TNFAIP8: variants seen among roughly 807,000 people sequenced by gnomAD.
TNFAIP8 encodes TNF alpha induced protein 8.
In TNFAIP8, 7 loss-of-function variants were observed where a neutral mutation model predicts 13.3. The observed-to-expected ratio is 0.52, with a 90% CI of 0.30 to 0.99. The LOEUF is 0.99. TNFAIP8 is among the 50% of genes least tolerant of loss of function. The pLI, the probability that TNFAIP8 is intolerant of heterozygous loss-of-function variation, is 0.07. For synonymous variants in TNFAIP8, 94 were observed against 87.6 expected (o/e 1.07, Z -0.41); for missense variants, 258 against 236.9 (o/e 1.09, Z -0.58).
intron 1 of TNFAIP8, among the ~76,000 whole-genome samples, chr5:119,370,962 A>T (rs1752048468): frequency 6.6e-6 from 1 of 152,212 alleles, no homozygotes; most frequent in Non-Finnish European, 1.5e-5. Flanking sequence ...TGTATCTAAG[A>T]TTGCTCTATT....
chr5:119,377,344 A>G (rs184903225), intron 1 of TNFAIP8, among the ~76,000 whole-genome samples: 9 of 152,184 alleles, frequency 5.9e-5, no homozygotes, highest in Admixed American at 2.6e-4. Flanking sequence ...TCAGAGTGAC[A>G]TTGCACTCCA....
upstream of TNFAIP8, among the ~76,000 whole-genome samples, chr5:119,353,526 G>A (rs1155268): frequency 0.76 from 115,268 of 152,148 alleles, 44,664 homozygotes; most frequent in African/African-American, 0.93. Context: ...CTAAAACAGA[G>A]CATTCTTCCC....
intron 1 of TNFAIP8, among the ~76,000 whole-genome samples, chr5:119,385,472 C>T (rs1285229370): frequency 1.3e-5 from 2 of 152,130 alleles, no homozygotes; most frequent in African/African-American, 2.4e-5. Context: ...CTAGGCTTCT[C>T]CTCTTGTCTT....
At chr5:119,384,200 C>T (rs1168583457) in intron 1 of TNFAIP8, among the ~76,000 whole-genome samples, 14 of 152,124 alleles carry the variant, frequency 9.2e-5, no homozygotes, top group Admixed American at 8.5e-4. Context: ...AGTAAGATAA[C>T]GTGGCCCGGC....
intron 1 of TNFAIP8, among the ~76,000 whole-genome samples, chr5:119,358,987 T>C (rs572783254): frequency 6.6e-6 from 1 of 152,256 alleles, no homozygotes; most frequent in African/African-American, 2.4e-5. Flanking sequence ...ACCCAGTTCT[T>C]ACTCTCATGC....
chr5:119,344,119 T>G (rs908768385), intron 1 of TNFAIP8, among the ~76,000 whole-genome samples: 3 of 152,190 alleles, frequency 2.0e-5, no homozygotes, highest in Non-Finnish European at 4.4e-5. Context: ...AAGAAGAACC[T>G]GAGTAATTTA....
chr5:119,351,132 C>G (rs1319513631), upstream of TNFAIP8, among the ~76,000 whole-genome samples: 1 of 151,904 alleles, frequency 6.6e-6, no homozygotes, highest in East Asian at 1.9e-4. Context: ...GAGTGATCCT[C>G]CTGCCTCAGT....
At chr5:119,327,470 G>GT (rs1562002296) in intron 1 of TNFAIP8, among the ~76,000 whole-genome samples, 1 of 152,086 alleles carries the variant, frequency 6.6e-6, no homozygotes, top group Non-Finnish European at 1.5e-5. Flanking sequence ...TTGTTTGTTT[G>GT]TTTTTTGAGA....
chr5:119,385,781 C>A (rs1288357662), intron 1 of TNFAIP8, among the ~76,000 whole-genome samples: 1 of 152,142 alleles, frequency 6.6e-6, no homozygotes, highest in Non-Finnish European at 1.5e-5. Context: ...TTAATTTTGG[C>A]CAAATGTGAT....
chr5:119,358,055 G>C (rs1283462362), intron 1 of TNFAIP8, among the ~76,000 whole-genome samples: 1 of 150,632 alleles, frequency 6.6e-6, no homozygotes, highest in Non-Finnish European at 1.5e-5. Flanking sequence ...AAATAACTCA[G>C]TTATCTTCTC....
intron 1 of TNFAIP8, among the ~76,000 whole-genome samples, chr5:119,368,059 T>G (rs1751930073): frequency 6.6e-6 from 1 of 152,218 alleles, no homozygotes. Flanking sequence ...GAAATAATGT[T>G]TCCCTGCCTG....
intron 1 of TNFAIP8, among the ~76,000 whole-genome samples, chr5:119,269,548 G>C (rs1197119004): frequency 6.6e-6 from 1 of 152,164 alleles, no homozygotes; most frequent in East Asian, 1.9e-4. Flanking sequence ...CGGACTCCTC[G>C]CGACTGATAG....
intron 1 of TNFAIP8, chr5:119,333,045 G>GTT (rs11455212): frequency 4.0e-4 from 87 of 219,368 alleles, no homozygotes; most frequent in Non-Finnish European, 5.1e-4. Context: ...GGAATGAGGT[G>GTT]TTTTTTTTAT....
intron 1 of TNFAIP8, among the ~76,000 whole-genome samples, chr5:119,297,217 T>A (rs1421214827): frequency 6.6e-6 from 1 of 152,202 alleles, no homozygotes; most frequent in Admixed American, 6.5e-5. Context: ...ATTTTGGATC[T>A]TTCCTGCTTT....
intron 1 of TNFAIP8, among the ~76,000 whole-genome samples, chr5:119,305,346 C>T (rs1749518218): frequency 6.6e-6 from 1 of 152,258 alleles, no homozygotes; most frequent in Middle Eastern, 3.4e-3. Flanking sequence ...ATATCTGTTT[C>T]AGTTTCTAAC....
intron 1 of TNFAIP8, among the ~76,000 whole-genome samples, chr5:119,281,021 C>G (rs1748610421): frequency 6.6e-6 from 1 of 151,822 alleles, no homozygotes; most frequent in Non-Finnish European, 1.5e-5. Flanking sequence ...CCAATGGGAG[C>G]CTCTTCAGTT....
chr5:119,338,165 GACACACACAC>G lies in TNFAIP8; in HGVS notation c.2-54614_2-54605del, dbSNP rs367789572. On this transcript the variant is annotated intron_variant, in intron 1 of 1. Transcript: ENST00000274456. The stretch of plus-strand genomic sequence containing the variant: ...ATTCCAGATTGGAATCTGGAACTTT[GACACACACAC>G]ACACACACACACACACACACACACA... Among the ~76,000 whole-genome samples the G allele has an allele frequency of 2.6e-3, 326 of 125,246 alleles. 2 individuals are homozygous for G. The highest frequency in any genetic ancestry group is 8.6e-3 in the African/African-American group (283 of 32,718). 82.2% of individuals were successfully genotyped at this position (125,246 alleles called of 152,430 possible). A position where few individuals can be genotyped will look rare whatever the true frequency, so the allele number is the denominator to read the frequency against.
At chr5:119,317,597 A>AATT (rs769259324) in intron 1 of TNFAIP8, among the ~76,000 whole-genome samples, 16 of 148,142 alleles carry the variant, frequency 1.1e-4, no homozygotes, top group Admixed American at 2.0e-4. Flanking sequence ...TAATAATAAT[A>AATT]ATTATTATTA....
chr5:119,380,868 A>G (rs1752458646), intron 1 of TNFAIP8, among the ~76,000 whole-genome samples: 1 of 152,190 alleles, frequency 6.6e-6, no homozygotes, highest in Non-Finnish European at 1.5e-5. Context: ...CTCTGTTTAG[A>G]AAACATTTTA....
Sources: gnomAD v4.1 joint callset for allele counts (sites outside exome capture counted in the v4.1 genomes callset) on GRCh38, gnomAD v4.1.1 for gene constraint, MANE v1.5 for transcripts, NCBI Gene and HGNC (gene_info 2026-07-23, HGNC 2026-07-21) for gene names.